PCCA: variants seen among roughly 807,000 people sequenced by gnomAD.
The protein encoded by PCCA is propionyl-CoA carboxylase subunit alpha, also known as propionyl-CoA carboxylase alpha chain, mitochondrial.
PCCA carries 74 observed loss-of-function variants against 101.3 expected under a neutral mutation model. The observed-to-expected ratio is 0.73, with a 90% CI of 0.61 to 0.89. The LOEUF (loss-of-function observed/expected upper bound fraction) is 0.89, where lower values mean the gene tolerates loss of function less well. Ranked by LOEUF, PCCA falls within the 40% of genes least tolerant of loss-of-function variation. The pLI is 0.00. For missense variants in PCCA, 891 were observed against 907.0 expected, an observed-to-expected ratio of 0.98 and a Z score of 0.23; for synonymous variants, 294 against 313.6, an observed-to-expected ratio of 0.94 and a Z score of 0.66.
chr13:100,235,745 G>C, intron 7 of PCCA, 97 bp from the exon 8 acceptor site: 3 of 801,200 alleles, frequency 3.7e-6, no homozygotes, highest in Non-Finnish European at 4.5e-6. Context: ...AACATTAAAT[G>C]AATCGGAGGA....
At chr13:100,318,395 G>A (rs967887522) in intron 16 of PCCA, among the ~76,000 whole-genome samples, 14 of 151,822 alleles carry the variant, frequency 9.2e-5, no homozygotes, top group African/African-American at 2.9e-4. Flanking sequence ...GGTTTGTTAC[G>A]TAGGTATTCA....
At chr13:100,299,134 G>C (rs1189269908) in intron 12 of PCCA, among the ~76,000 whole-genome samples, 1 of 152,080 alleles carries the variant, frequency 6.6e-6, no homozygotes, top group Non-Finnish European at 1.5e-5. Flanking sequence ...TTAGCAGCTT[G>C]TTATTTTAGT....
chr13:100,522,420 C>T (rs2087379012), intron 22 of PCCA, among the ~76,000 whole-genome samples: 1 of 152,084 alleles, frequency 6.6e-6, no homozygotes, highest in Non-Finnish European at 1.5e-5. Context: ...ACTGATGAAC[C>T]TGTCTTTTGT....
chr13:100,440,372 T>C (rs2080282147), intron 20 of PCCA, among the ~76,000 whole-genome samples: 2 of 151,194 alleles, frequency 1.3e-5, no homozygotes, highest in African/African-American at 4.8e-5. Context: ...AATTTTAAAA[T>C]TGTAACCTTA....
At chr13:100,161,738 A>T (rs912796138) in intron 6 of PCCA, 1 of 152,096 alleles carries the variant, frequency 6.6e-6, no homozygotes, top group Non-Finnish European at 1.5e-5. Flanking sequence ...TCTTATTTTC[A>T]CTATATGGGC....
chr13:100,263,820 C>CGTATATAT (rs1423848349), intron 10 of PCCA, among the ~76,000 whole-genome samples: 7 of 114,400 alleles, frequency 6.1e-5, no homozygotes, highest in Non-Finnish European at 1.4e-4. Context: ...ATCTGTATAT[C>CGTATATAT]ATATATATGG....
chr13:100,467,059 T>A (rs1373370528), intron 21 of PCCA, among the ~76,000 whole-genome samples: 1 of 152,162 alleles, frequency 6.6e-6, no homozygotes, highest in Non-Finnish European at 1.5e-5. Flanking sequence ...CCCTTTGAGA[T>A]CACCAGTAGA....
rs886630882 is a variant in PCCA, at chr13:100,191,984, C to G, written c.469-17348C>G. ...CTCTGGTTGGAATTATTGAGAAAGA[C>G]AAATCTCAGGTGATCTGAACGTGTT... On this transcript the variant is annotated intron_variant, in intron 6 of 23. Transcript: ENST00000376285. 5.4e-4 allele frequency among the ~76,000 whole-genome samples: 82 copies of G among 152,106 alleles called. 1 individual carries two copies. The highest frequency in any genetic ancestry group is 1.2e-4 in the Non-Finnish European group (8 of 68,024).
chr13:100,373,847 C>G (rs989575112), intron 19 of PCCA, among the ~76,000 whole-genome samples: 1 of 152,158 alleles, frequency 6.6e-6, no homozygotes, highest in Non-Finnish European at 1.5e-5. Context: ...TGCAGTGGCT[C>G]ACACCTGTAA....
intron 23 of PCCA, among the ~76,000 whole-genome samples, chr13:100,529,243 A>G (rs2088159258): frequency 1.3e-5 from 2 of 152,014 alleles, no homozygotes; most frequent in African/African-American, 4.8e-5. Flanking sequence ...CAGATCCTCT[A>G]CTCTGGTCAT....
At chr13:100,396,405 A>C (rs2077047178) in intron 19 of PCCA, among the ~76,000 whole-genome samples, 1 of 152,232 alleles carries the variant, frequency 6.6e-6, no homozygotes, top group African/African-American at 2.4e-5. Flanking sequence ...TGGCTGATGT[A>C]ATAAGCACCC....
Position 100,515,505 on chromosome 13 carries a change from A to G in PCCA, c.1978A>G (p.Ser660Gly). Residue 660 changes from serine to glycine, a missense_variant, in exon 22 of 24, where the codon AGT (serine) becomes GGT (glycine). By Grantham distance (56) the Ser-to-Gly change is moderately conservative (BLOSUM62 0). Transcript: ENST00000376285. ...MLEKVTEDTSSVLRSPMPGVV... is the reference protein window; with the variant it reads ...MLEKVTEDTSGVLRSPMPGVV... ...GGAAAAAGTGACTGAGGACACAAGC[A>G]GTGTTCTGCGTTCCCCGATGCCCGG... 4 of 1,614,190 alleles carry G rather than the reference A, an allele frequency of 2.5e-6. No homozygotes were observed. Among genetic ancestry groups the G allele is most frequent in the Non-Finnish European group, 3.4e-6 (4 of 1,180,004 alleles).
At chr13:100,506,389 G>A (rs1383224438) in intron 21 of PCCA, among the ~76,000 whole-genome samples, 1 of 150,890 alleles carries the variant, frequency 6.6e-6, no homozygotes, top group Non-Finnish European at 1.5e-5. Flanking sequence ...GGGGGTGGGG[G>A]CGGGGGCGGC....
intron 22 of PCCA, among the ~76,000 whole-genome samples, chr13:100,520,374 G>A (rs928941891): frequency 2.0e-5 from 3 of 152,112 alleles, no homozygotes; most frequent in Admixed American, 6.5e-5. Flanking sequence ...TTGGCCGGGC[G>A]CGGTGGCTCA....
At chr13:100,295,840 A>G (rs1296105704) in intron 12 of PCCA, among the ~76,000 whole-genome samples, 1 of 152,202 alleles carries the variant, frequency 6.6e-6, no homozygotes, top group Non-Finnish European at 1.5e-5. Flanking sequence ...GTTAACACAC[A>G]CTGCGTCTTT....
At chr13:100,169,334 A>C (rs2152411193) in intron 6 of PCCA, among the ~76,000 whole-genome samples, 1 of 151,454 alleles carries the variant, frequency 6.6e-6, no homozygotes, top group African/African-American at 2.4e-5. Context: ...CCAGCTACTC[A>C]GGAAGCTGAG....
chr13:100,261,280 T>C (rs1003928620), intron 9 of PCCA, among the ~76,000 whole-genome samples: 1 of 152,180 alleles, frequency 6.6e-6, no homozygotes, highest in Non-Finnish European at 1.5e-5. Context: ...AATTAAATTT[T>C]ATATGCTGAT....
At chr13:100,430,924 T>G (rs1446344915) in intron 20 of PCCA, among the ~76,000 whole-genome samples, 1 of 152,350 alleles carries the variant, frequency 6.6e-6, no homozygotes, top group African/African-American at 2.4e-5. Context: ...GCACTTTGTA[T>G]GTATGAATGC....
chr13:100,249,817 C>T (rs1008967632), intron 8 of PCCA, among the ~76,000 whole-genome samples: 24 of 152,088 alleles, frequency 1.6e-4, no homozygotes, highest in Non-Finnish European at 1.0e-4. Context: ...TATTTTATTT[C>T]TTTAGTGCTA....
Sources: gnomAD v4.1 joint callset for allele counts (sites outside exome capture counted in the v4.1 genomes callset) on GRCh38, gnomAD v4.1.1 for gene constraint, MANE v1.5 for transcripts, NCBI Gene and HGNC (gene_info 2026-07-23, HGNC 2026-07-21) for gene names.